The following NRCAM variants were observed in gnomAD, a reference collection of about 807,000 sequenced individuals.
NRCAM encodes neuronal cell adhesion molecule, also known as NgCAM-related cell adhesion molecule.
NRCAM carries 83 observed loss-of-function variants against 156.5 expected under a neutral mutation model. The observed-to-expected ratio is 0.53, with a 90% CI of 0.44 to 0.64. The LOEUF (loss-of-function observed/expected upper bound fraction) is 0.64. Ranked by LOEUF, NRCAM falls within the 30% of genes least tolerant of loss-of-function variation. NRCAM has a pLI of 0.00. For missense variants in NRCAM, 1,417 were observed against 1,597.3 expected, an observed-to-expected ratio of 0.89 and a Z score of 1.92; for synonymous variants, 538 against 563.9, an observed-to-expected ratio of 0.95 and a Z score of 0.65.
At chr7:108,447,818 A>G (rs1846139022) in intron 1 of NRCAM, among the ~76,000 whole-genome samples, 1 of 152,230 alleles carries the variant, frequency 6.6e-6, no homozygotes, top group African/African-American at 2.4e-5. Context: ...TACTGCAATG[A>G]CCCAAAGTAC....
intron 3 of NRCAM, among the ~76,000 whole-genome samples, chr7:108,268,637 G>GGGGGGGGGTA (rs2097209664): frequency 4.1e-5 from 2 of 48,590 alleles, no homozygotes; most frequent in Non-Finnish European, 8.0e-5. Context: ...GGGGGGGGTT[G>GGGGGGGGGTA]GGGGGGGCGG....
At position 108,149,605 on chromosome 7, in the gene NRCAM, C is replaced by T; in HGVS notation, c.*305G>A. 3.0e-6 allele frequency: 1 copy of T among 328,596 alleles called. No individual in the cohort carries two copies. The highest frequency in any genetic ancestry group is 5.5e-6 in the Non-Finnish European group (1 of 180,882). The allele number at this position is 328,596 out of a possible 1,614,324, so 20.4% of individuals were successfully genotyped here. On this transcript the variant is annotated 3_prime_UTR_variant, in exon 33 of 33. Coordinates refer to ENST00000379028, the MANE Select transcript of NRCAM (RefSeq NM_001037132.4). ...CTTTAAATGTGGAGCATTTTTCATG[C>T]ATCATATTGAACTGTATCCTGCAGA... is the stretch of plus-strand genomic sequence containing the variant.
At position 108,240,070 on chromosome 7, in the gene NRCAM, T is replaced by A; in HGVS notation, c.-6A>T. On this transcript the variant is annotated 5_prime_UTR_variant, in exon 4 of 33. Coordinates refer to ENST00000379028, the MANE Select transcript of NRCAM (RefSeq NM_001037132.4). ...GGCATTATTTTAAGCTGCATTAGCTTAACTCCTGCTGAGACTCACACACTG... is the reference window on the plus strand; with the variant it reads ...GGCATTATTTTAAGCTGCATTAGCTAAACTCCTGCTGAGACTCACACACTG... The A allele has an allele frequency of 6.3e-7, 1 of 1,597,478 alleles. No homozygotes were observed. Among genetic ancestry groups the A allele is most frequent in the Non-Finnish European group, 8.6e-7 (1 of 1,165,618 alleles).
Position 108,189,696 on chromosome 7 carries a change from T to C in NRCAM, c.1984A>G (p.Ser662Gly). 1 of 1,562,262 alleles carries C rather than the reference T, an allele frequency of 6.4e-7. No homozygotes were observed. The highest frequency in any genetic ancestry group is 8.8e-7 in the Non-Finnish European group (1 of 1,135,116). ...CCTGGGGTCCATGACAGCTGAACAC[T>C]TTTGTCAAGTTGATCTGTCAGTTCT... ...DLELTDQLDKSVQLSWTPGDD... is the reference protein window; with the variant it reads ...DLELTDQLDKGVQLSWTPGDD... Residue 662 changes from serine to glycine, a missense_variant, in exon 20 of 33, where the codon AGT becomes GGT. By Grantham distance (56) the Ser-to-Gly change is moderately conservative. Transcript: ENST00000379028.
chr7:108,383,961 G>A (rs1319216969), intron 2 of NRCAM, among the ~76,000 whole-genome samples: 2 of 152,094 alleles, frequency 1.3e-5, no homozygotes, highest in African/African-American at 2.4e-5. Flanking sequence ...ACAGGTTGAT[G>A]AGAACATGAG....
chr7:108,278,197 G>A (rs10464622), intron 3 of NRCAM, among the ~76,000 whole-genome samples: 6,511 of 152,328 alleles, frequency 0.043, 181 homozygotes, highest in South Asian at 0.11. Flanking sequence ...CAGGGGTCAG[G>A]GACCCACTGG....
chr7:108,260,145 C>G (rs565875009), intron 3 of NRCAM, among the ~76,000 whole-genome samples: 1 of 152,116 alleles, frequency 6.6e-6, no homozygotes, highest in African/African-American at 2.4e-5. Flanking sequence ...CTTCCTATTC[C>G]GTTTCTCAAA....
chr7:108,193,389 T>C (rs1430341634), intron 17 of NRCAM, among the ~76,000 whole-genome samples: 2 of 152,206 alleles, frequency 1.3e-5, no homozygotes, highest in South Asian at 2.1e-4. Flanking sequence ...TTCCTTCTAA[T>C]AGAGAGTGAG....
rs2099785743 is a variant in NRCAM, at chr7:108,399,488, A to T, written c.-226T>A. ...CTCCCAAATGTTTTTCTGATTTCTGAAGCTATCCTTTTCTCAGGAGAATGC... is the reference window on the plus strand; with the variant it reads ...CTCCCAAATGTTTTTCTGATTTCTGTAGCTATCCTTTTCTCAGGAGAATGC... On this transcript the variant is annotated 5_prime_UTR_variant, in exon 2 of 33. Coordinates refer to ENST00000379028, the MANE Select transcript of NRCAM (RefSeq NM_001037132.4). 1 of 152,222 alleles carries T rather than the reference A, an allele frequency of 6.6e-6. No individual in the cohort carries two copies. Among genetic ancestry groups the T allele is most frequent in the African/African-American group, 2.4e-5 (1 of 41,452 alleles). The allele number at this position is 152,222 out of a possible 1,614,324, so 9.4% of individuals were successfully genotyped here.
At chr7:108,299,139 A>AAAGAAAGAAAGG (rs374430932) in intron 3 of NRCAM, among the ~76,000 whole-genome samples, 2 of 108,740 alleles carry the variant, frequency 1.8e-5, no homozygotes, top group South Asian at 3.1e-4. Context: ...AGAAAGAAAG[A>AAAGAAAGAAAGG]AAAGAAAAGT....
intron 3 of NRCAM, among the ~76,000 whole-genome samples, chr7:108,275,938 T>C (rs2097580384): frequency 6.6e-6 from 1 of 152,248 alleles, no homozygotes; most frequent in Non-Finnish European, 1.5e-5. Flanking sequence ...ATCGTGTCTT[T>C]GTTCTCGTTG....
intron 11 of NRCAM, among the ~76,000 whole-genome samples, chr7:108,212,820 A>C (rs117150198): frequency 2.6e-5 from 4 of 152,208 alleles, no homozygotes; most frequent in African/African-American, 9.6e-5. Flanking sequence ...TTTGGAAAAC[A>C]CATTTGGAGG....
chr7:108,313,428 CTT>C (rs1235958749), intron 2 of NRCAM: 1 of 152,186 alleles, frequency 6.6e-6, no homozygotes, highest in East Asian at 1.9e-4. Flanking sequence ...GGATTTGTGT[CTT>C]TTTGAACTTT....
At chr7:108,176,375 G>A in intron 27 of NRCAM, 55 bp downstream of exon 27, 9 of 1,506,534 alleles carry the variant, frequency 6.0e-6, no homozygotes, top group Non-Finnish European at 5.5e-6. Context: ...TAAACTTAAA[G>A]ATTTTTATTT....
intron 3 of NRCAM, among the ~76,000 whole-genome samples, chr7:108,254,566 T>TTTTTTTTTTTTA (rs2096537961): frequency 6.6e-6 from 1 of 151,206 alleles, no homozygotes; most frequent in African/African-American, 2.4e-5. Flanking sequence ...TTTTTTTTTT[T>TTTTTTTTTTTTA]GAGATGGAAC....
intron 1 of NRCAM, among the ~76,000 whole-genome samples, chr7:108,434,765 C>T (rs1164353848): frequency 1.3e-5 from 2 of 152,048 alleles, no homozygotes; most frequent in African/African-American, 4.8e-5. Flanking sequence ...GACACAGGGG[C>T]AAACCTTAAG....
intron 2 of NRCAM, among the ~76,000 whole-genome samples, chr7:108,386,611 C>T (rs2099741563): frequency 6.6e-6 from 1 of 152,058 alleles, no homozygotes. Context: ...AGATGGCCTA[C>T]AGTAAGATTG....
intron 10 of NRCAM, 39 bp downstream of exon 10, chr7:108,225,606 A>T (rs139580930): frequency 1.6e-6 from 2 of 1,271,398 alleles, no homozygotes. Flanking sequence ...AAATTCTACA[A>T]TGAAGGAGAG....
At chr7:108,249,901 G>A (rs2096229553) in intron 3 of NRCAM, among the ~76,000 whole-genome samples, 1 of 152,096 alleles carries the variant, frequency 6.6e-6, no homozygotes, top group African/African-American at 2.4e-5. Context: ...TCAATTCAAA[G>A]AGCACTTTAG....
Sources: allele counts gnomAD v4.1 joint callset (sites outside exome capture counted in the v4.1 genomes callset), GRCh38; gene constraint gnomAD v4.1.1; transcripts MANE v1.5; gene names NCBI Gene and HGNC (gene_info 2026-07-23, HGNC 2026-07-21).